The following HLCS variants were observed in gnomAD, a reference collection of about 807,000 sequenced individuals.
The protein encoded by HLCS is biotin--protein ligase.
In HLCS, 53 loss-of-function variants were observed where a neutral mutation model predicts 75.0. The observed-to-expected ratio is 0.71, with a 90% confidence interval of 0.57 to 0.89. The LOEUF (loss-of-function observed/expected upper bound fraction) is 0.89, where lower values mean the gene tolerates loss of function less well. HLCS is among the 40% of genes least tolerant of loss of function. The pLI, the probability that HLCS is intolerant of heterozygous loss-of-function variation, is 0.00. For missense variants in HLCS, 966 were observed against 1,074.0 expected, an observed-to-expected ratio of 0.90 and a Z score of 1.41; for synonymous variants, 431 against 428.6, an observed-to-expected ratio of 1.01 and a Z score of -0.07.
chr21:36,915,044 G>A (rs1178461088), intron 5 of HLCS, among the ~76,000 whole-genome samples: 2 of 152,190 alleles, frequency 1.3e-5, no homozygotes, highest in South Asian at 2.1e-4. Context: ...CCATTCACAC[G>A]TTCCCTTCCT....
chr21:36,927,499 C>T (rs952044395), intron 5 of HLCS, among the ~76,000 whole-genome samples: 6 of 152,200 alleles, frequency 3.9e-5, no homozygotes, highest in African/African-American at 1.4e-4. Context: ...TGTCAAGGCA[C>T]CAAACTGTGT....
At chr21:36,761,399 TGA>T (rs1442340911) in intron 8 of HLCS, among the ~76,000 whole-genome samples, 1 of 152,254 alleles carries the variant, frequency 6.6e-6, no homozygotes, top group East Asian at 1.9e-4. Context: ...TAGTTTAGGC[TGA>T]GAGAAAAAAT....
At chr21:36,880,566 C>T (rs369306832) in intron 6 of HLCS, among the ~76,000 whole-genome samples, 11 of 152,002 alleles carry the variant, frequency 7.2e-5, no homozygotes, top group African/African-American at 2.2e-4. Context: ...AGGTTGTTTC[C>T]GGAAGTGGAA....
intron 6 of HLCS, among the ~76,000 whole-genome samples, chr21:36,812,242 CAG>C (rs1290590524): frequency 1.3e-5 from 2 of 152,324 alleles, no homozygotes; most frequent in East Asian, 3.9e-4. Flanking sequence ...CTATCCTTCT[CAG>C]AGTCTGATCA....
chr21:36,877,315 G>A (rs1386681606), intron 6 of HLCS, among the ~76,000 whole-genome samples: 1 of 151,350 alleles, frequency 6.6e-6, no homozygotes, highest in Admixed American at 6.6e-5. Flanking sequence ...TTTTTTTTGT[G>A]TGTGTTTCTA....
At chr21:36,903,181 C>T (rs190887523) in intron 5 of HLCS, among the ~76,000 whole-genome samples, 4 of 152,254 alleles carry the variant, frequency 2.6e-5, no homozygotes, top group African/African-American at 7.2e-5. Context: ...TACTAATTTT[C>T]GGTTTTCGGA....
chr21:36,865,962 C>A (rs1411932483), intron 6 of HLCS, among the ~76,000 whole-genome samples: 1 of 152,176 alleles, frequency 6.6e-6, no homozygotes, highest in Non-Finnish European at 1.5e-5. Flanking sequence ...AATTTCCAGT[C>A]ATGAAAGTCT....
chr21:36,926,612 TTATA>T (rs1384004951), intron 5 of HLCS, among the ~76,000 whole-genome samples: 1 of 152,130 alleles, frequency 6.6e-6, no homozygotes, highest in African/African-American at 2.4e-5. Context: ...ATTTGGCTTA[TTATA>T]TATATAATCA....
At chr21:36,902,041 C>T (rs1325955559) in intron 5 of HLCS, among the ~76,000 whole-genome samples, 1 of 152,044 alleles carries the variant, frequency 6.6e-6, no homozygotes, top group Non-Finnish European at 1.5e-5. Flanking sequence ...ATGACAGTGC[C>T]GTGGGGAGAG....
intron 5 of HLCS, among the ~76,000 whole-genome samples, chr21:36,924,718 G>C (rs528494235): frequency 1.3e-5 from 2 of 152,262 alleles, no homozygotes; most frequent in African/African-American, 4.8e-5. Flanking sequence ...AAAAAAGCTT[G>C]GTTAACTAGA....
At chr21:36,881,439 C>A (rs1255182155) in intron 6 of HLCS, among the ~76,000 whole-genome samples, 1 of 152,216 alleles carries the variant, frequency 6.6e-6, no homozygotes, top group East Asian at 1.9e-4. Flanking sequence ...TACTCAGCCA[C>A]CACTACTGTT....
intron 6 of HLCS, among the ~76,000 whole-genome samples, chr21:36,845,064 C>T (rs1000382752): frequency 6.6e-6 from 1 of 152,084 alleles, no homozygotes; most frequent in African/African-American, 2.4e-5. Flanking sequence ...CTTTCATTTT[C>T]TACAACCACA....
chr21:36,791,334 G>A (rs1236602980), intron 6 of HLCS, among the ~76,000 whole-genome samples: 1 of 152,200 alleles, frequency 6.6e-6, no homozygotes, highest in Non-Finnish European at 1.5e-5. Context: ...ACTGTTCAGT[G>A]AGACCGCTTT....
intron 6 of HLCS, among the ~76,000 whole-genome samples, chr21:36,871,993 T>C (rs924828402): frequency 6.6e-6 from 1 of 152,186 alleles, no homozygotes; most frequent in Non-Finnish European, 1.5e-5. Context: ...ACACCAAATA[T>C]TGGTGAAGAT....
intron 5 of HLCS, among the ~76,000 whole-genome samples, chr21:36,904,877 T>C (rs2065384610): frequency 6.6e-6 from 1 of 152,146 alleles, no homozygotes; most frequent in African/African-American, 2.4e-5. Flanking sequence ...AATGTAAAAA[T>C]GTTACTGAAG....
intron 6 of HLCS, among the ~76,000 whole-genome samples, chr21:36,878,475 C>T (rs946204055): frequency 2.0e-5 from 3 of 152,164 alleles, no homozygotes; most frequent in Non-Finnish European, 4.4e-5. Flanking sequence ...AACGAAACTA[C>T]TACTACTGAG....
At chr21:36,958,610 G>A (rs1035568479) in intron 2 of HLCS, among the ~76,000 whole-genome samples, 11 of 152,034 alleles carry the variant, frequency 7.2e-5, no homozygotes, top group South Asian at 2.1e-4. Flanking sequence ...GCAACACGGT[G>A]AAACCCGGTC....
intron 4 of HLCS, among the ~76,000 whole-genome samples, chr21:36,930,858 A>G (rs1430875448): frequency 6.6e-6 from 1 of 152,234 alleles, no homozygotes; most frequent in Non-Finnish European, 1.5e-5. Flanking sequence ...GAGCCTACTC[A>G]AATTTTGGTT....
chr21:36,843,144 T>C (rs2062672215), intron 6 of HLCS, among the ~76,000 whole-genome samples: 1 of 152,204 alleles, frequency 6.6e-6, no homozygotes, highest in Non-Finnish European at 1.5e-5. Context: ...AAAAGAAATA[T>C]CTGTTAAGAT....
Sources: gnomAD v4.1 joint callset for allele counts (sites outside exome capture counted in the v4.1 genomes callset) on GRCh38, gnomAD v4.1.1 for gene constraint, MANE v1.5 for transcripts, NCBI Gene and HGNC (gene_info 2026-07-23, HGNC 2026-07-21) for gene names.